CTNNA3: variants seen among roughly 807,000 people sequenced by gnomAD.
CTNNA3 encodes catenin alpha-3.
A neutral mutation model predicts 95.7 loss-of-function variants in CTNNA3; 76 were observed. The ratio of observed to expected loss-of-function variants is 0.79; its 90% CI spans 0.66 to 0.96. The LOEUF is 0.96. Among genes scored for constraint, CTNNA3 ranks in the 40% least tolerant of loss-of-function variants. The pLI is 0.00. For synonymous variants in CTNNA3, 431 were observed against 374.4 expected, an observed-to-expected ratio of 1.15 and a Z score of -1.74; for missense variants, 1,191 against 1,089.8, an observed-to-expected ratio of 1.09 and a Z score of -1.31.
intron 3 of CTNNA3, among the ~76,000 whole-genome samples, chr10:67,593,772 C>G (rs1188095094): frequency 6.6e-6 from 1 of 152,014 alleles, no homozygotes; most frequent in Non-Finnish European, 1.5e-5. Flanking sequence ...ACTGATTGTT[C>G]TGGCTAGGAC....
chr10:67,155,022 T>TC (rs1861243878), intron 7 of CTNNA3, among the ~76,000 whole-genome samples: 2 of 136,566 alleles, frequency 1.5e-5, no homozygotes, highest in Admixed American at 7.3e-5. Context: ...AAATTGTTTC[T>TC]TTTTTTTAGC....
At chr10:66,382,875 G>A (rs944959276) in intron 11 of CTNNA3, among the ~76,000 whole-genome samples, 12 of 152,090 alleles carry the variant, frequency 7.9e-5, no homozygotes, top group Non-Finnish European at 1.8e-4. Flanking sequence ...CTAACAAACA[G>A]AAAGGAGTAG....
chr10:66,122,730 G>A (rs1172399785), intron 13 of CTNNA3, among the ~76,000 whole-genome samples: 2 of 152,206 alleles, frequency 1.3e-5, no homozygotes, highest in Admixed American at 1.3e-4. Flanking sequence ...GGCTAGGAAT[G>A]CCTCACAATC....
chr10:66,836,587 G>A (rs984307949), intron 7 of CTNNA3, among the ~76,000 whole-genome samples: 18 of 152,062 alleles, frequency 1.2e-4, no homozygotes, highest in African/African-American at 4.1e-4. Context: ...CCTGCAGTGG[G>A]GCTCCTAAAG....
At chr10:66,803,095 C>A (rs1220369520) in intron 7 of CTNNA3, among the ~76,000 whole-genome samples, 1 of 151,974 alleles carries the variant, frequency 6.6e-6, no homozygotes, top group Non-Finnish European at 1.5e-5. Flanking sequence ...AAGATCTCTG[C>A]ATTTAATTTA....
intron 5 of CTNNA3, among the ~76,000 whole-genome samples, chr10:67,369,646 C>G (rs1843344009): frequency 6.6e-6 from 1 of 151,956 alleles, no homozygotes; most frequent in African/African-American, 2.4e-5. Context: ...AATCAGTAAG[C>G]AAAAGAAGTC....
At position 67,203,629 on chromosome 10, in the gene CTNNA3, G is replaced by C. The variant is rs12252575; in HGVS notation, c.843+15978C>G. ...TTCCATTCCAACTCCTTTACATTGG[G>C]TTTTTATTACACTTTACCTGAAATA... On this transcript the variant is annotated intron_variant, in intron 6 of 17. Transcript: ENST00000433211. Among the ~76,000 whole-genome samples the C allele has an allele frequency of 6.9e-3, 1,042 of 151,982 alleles. 5 individuals are homozygous for C. The highest frequency in any genetic ancestry group is 0.021 in the African/African-American group (866 of 41,426).
Position 67,384,383 on chromosome 10 carries a change from C to G in CTNNA3, c.579+137459G>C, listed in dbSNP as rs1418521639. 3.3e-5 allele frequency among the ~76,000 whole-genome samples: 5 copies of G among 152,158 alleles called. 1 individual carries two copies. On this transcript the variant is annotated intron_variant, in intron 5 of 17. Transcript: ENST00000433211. ...AAGATGTTTTAATTTCTCCAAACCT[C>G]TTTTAAAAATATGTGACCTAATAAA...
chr10:66,108,700 C>G (rs2082001216), intron 13 of CTNNA3, among the ~76,000 whole-genome samples: 1 of 151,844 alleles, frequency 6.6e-6, no homozygotes, highest in African/African-American at 2.4e-5. Context: ...TCTTGTTTTC[C>G]ACTCATGAAA....
At chr10:65,972,090 C>G in intron 16 of CTNNA3, among the ~76,000 whole-genome samples, 1 of 151,958 alleles carries the variant, frequency 6.6e-6, no homozygotes, top group Non-Finnish European at 1.5e-5. Context: ...GTGGGAAAAG[C>G]TTTTGATAAA....
intron 7 of CTNNA3, among the ~76,000 whole-genome samples, chr10:67,050,907 G>T (rs1018309407): frequency 1.3e-5 from 2 of 151,966 alleles, no homozygotes; most frequent in African/African-American, 4.8e-5. Flanking sequence ...TTCTTTATTT[G>T]CCATGGTGAC....
intron 7 of CTNNA3, among the ~76,000 whole-genome samples, chr10:67,152,189 C>A (rs1861114785): frequency 6.6e-6 from 1 of 152,154 alleles, no homozygotes; most frequent in Admixed American, 6.5e-5. Flanking sequence ...TTGGAGACTT[C>A]CCTTCAGCCT....
At chr10:66,608,917 A>G (rs1478051918) in intron 10 of CTNNA3, among the ~76,000 whole-genome samples, 1 of 152,180 alleles carries the variant, frequency 6.6e-6, no homozygotes, top group Non-Finnish European at 1.5e-5. Context: ...AGCAATTACA[A>G]CAAAAGAAAA....
chr10:67,383,304 T>G (rs909607670), intron 5 of CTNNA3, among the ~76,000 whole-genome samples: 5 of 152,292 alleles, frequency 3.3e-5, no homozygotes, highest in Middle Eastern at 3.4e-3. Context: ...CCATGGTACC[T>G]ACCCCGTGGC....
At chr10:67,141,357 A>G (rs925367186) in intron 7 of CTNNA3, among the ~76,000 whole-genome samples, 4 of 151,990 alleles carry the variant, frequency 2.6e-5, no homozygotes, top group African/African-American at 7.3e-5. Flanking sequence ...TTACTATTCT[A>G]TCTTTCCAAC....
intron 5 of CTNNA3, among the ~76,000 whole-genome samples, chr10:67,467,779 T>C (rs933947250): frequency 1.3e-5 from 2 of 152,042 alleles, no homozygotes; most frequent in African/African-American, 2.4e-5. Context: ...GGTGCAATCA[T>C]GGCTCACTGC....
intron 1 of CTNNA3, among the ~76,000 whole-genome samples, chr10:67,745,470 G>C (rs1841369522): frequency 7.3e-6 from 1 of 137,928 alleles, no homozygotes; most frequent in Non-Finnish European, 1.5e-5. Context: ...GAGAACACAT[G>C]GACACAGGAA....
At chr10:67,063,722 G>T (rs1468346821) in intron 7 of CTNNA3, among the ~76,000 whole-genome samples, 1 of 152,166 alleles carries the variant, frequency 6.6e-6, no homozygotes. Flanking sequence ...CCAAATGAGG[G>T]TTACTTGTAC....
At chr10:67,638,963 G>C (rs1839424029) in intron 2 of CTNNA3, among the ~76,000 whole-genome samples, 2 of 152,110 alleles carry the variant, frequency 1.3e-5, no homozygotes, top group Admixed American at 1.3e-4. Flanking sequence ...AGAAGCAAGA[G>C]CAAACACATT....
Sources: allele counts gnomAD v4.1 joint callset (sites outside exome capture counted in the v4.1 genomes callset), GRCh38; gene constraint gnomAD v4.1.1; transcripts MANE v1.5; gene names NCBI Gene and HGNC (gene_info 2026-07-23, HGNC 2026-07-21).